SH3TC2: variants seen among roughly 807,000 people sequenced by gnomAD.
SH3TC2 encodes the protein SH3 domain and tetratricopeptide repeat-containing protein 2.
Under a neutral mutation model 124.5 loss-of-function variants are expected in SH3TC2, and 87 were observed. The observed-to-expected ratio is 0.70, with a 90% CI of 0.59 to 0.84. The LOEUF is 0.84. SH3TC2 is among the 40% of genes least tolerant of loss of function. The pLI, the probability that SH3TC2 is intolerant of heterozygous loss-of-function variation, is 0.00. For synonymous variants in SH3TC2, 634 were observed against 628.5 expected, an observed-to-expected ratio of 1.01 and a Z score of -0.13; for missense variants, 1,536 against 1,566.4, an observed-to-expected ratio of 0.98 and a Z score of 0.33.
Position 149,060,990 on chromosome 5 carries a change from A to G in SH3TC2, c.52+1981T>C, listed in dbSNP as rs563149862. ...AGGGGAATCTGGAATGGGAATATCC[A>G]GATCGACTGGACTTGGACCTACAAC... On this transcript the variant is annotated intron_variant, in intron 1 of 16. Transcript: ENST00000515425. Among the ~76,000 whole-genome samples, 6 of 152,318 alleles carry G rather than the reference A, an allele frequency of 3.9e-5. No homozygotes were observed. In the South Asian group the frequency reaches 1.0e-3, roughly 26 times the overall value.
chr5:149,027,245 T>C lies in SH3TC2; in HGVS notation c.2487A>G (p.Thr829=). 3.7e-6 allele frequency: 6 copies of C among 1,614,212 alleles called. No homozygotes were observed. The highest frequency in any genetic ancestry group is 5.1e-6 in the Non-Finnish European group (6 of 1,180,042). ...LEPLLCSLKE[T]ESLTQRGVIY... is the part of the protein sequence containing the mutation. ...TGACTCCCCTTTGAGTGAGACTCTC[T>C]GTCTCCTTCAGGGAGCATAGCAGTG... Residue 829 remains threonine (T), a synonymous_variant, in exon 11 of 17, where the codon ACA becomes ACG. Coordinates refer to ENST00000515425, the MANE Select transcript of SH3TC2 (RefSeq NM_024577.4).
chr5:149,047,720 A>G, intron 3 of SH3TC2, 142 bp downstream of exon 3: 2 of 1,108,698 alleles, frequency 1.8e-6, no homozygotes, highest in Admixed American at 3.8e-5. Flanking sequence ...ATGTGCACGG[A>G]ATCTTTCATT....
chr5:148,988,687 C>T lies in SH3TC2; in HGVS notation c.*16024G>A, dbSNP rs1468151733. Among the ~76,000 whole-genome samples the T allele has an allele frequency of 1.3e-5, 2 of 152,180 alleles. No individual in the cohort carries two copies. Among genetic ancestry groups the T allele is most frequent in the Non-Finnish European group, 1.5e-5 (1 of 68,032 alleles). On this transcript the variant is annotated 3_prime_UTR_variant, in exon 17 of 17. Coordinates refer to ENST00000515425, the MANE Select transcript of SH3TC2 (RefSeq NM_024577.4). ...AGCCCAGAGGAGCCTTTGATGACTCCAGCTCTGGCCACTATTGGACTGCAA... is the reference window on the plus strand; with the variant it reads ...AGCCCAGAGGAGCCTTTGATGACTCTAGCTCTGGCCACTATTGGACTGCAA...
rs201789838 is a variant in SH3TC2 at position 149,027,892 on chromosome 5, C to T, written c.1840G>A (p.Asp614Asn). Reference sequence around the variant, plus strand: ...TGGCGCAGCACGTAGGCCACCACGTCGAGTTCATGCTTGGCACTAGACTCA... The same window carrying T: ...TGGCGCAGCACGTAGGCCACCACGTTGAGTTCATGCTTGGCACTAGACTCA... ...DRESSAKHEL[D>N]VVAYVLRQGI... Residue 614 changes from aspartate to asparagine, a missense_variant, in exon 11 of 17, where the codon GAC becomes AAC. This residue lies in a region of SH3TC2 where 1,102 missense variants were observed against 1,098.6 expected (regional missense o/e 1.00). Transcript: ENST00000515425. 50 of 1,613,842 alleles carry T rather than the reference C, an allele frequency of 3.1e-5. No individual in the cohort carries two copies. The highest frequency in any genetic ancestry group is 3.9e-5 in the Non-Finnish European group (46 of 1,180,044).
intron 9 of SH3TC2, 127 bp from the exon 10 acceptor site, chr5:149,028,845 AG>A (rs1269583617): frequency 5.4e-6 from 5 of 919,964 alleles, no homozygotes; most frequent in Non-Finnish European, 8.9e-6. Flanking sequence ...GTCATCATTA[AG>A]GAACAGGGCA....
rs1364059646 is a variant in SH3TC2 at position 148,999,544 on chromosome 5, C to T, written c.*5167G>A. ...GGAGCAATTAAAAGAGGAAAAGAGACCAAAACTGACAAGGTCATGAAAAAC... is the reference window on the plus strand; with the variant it reads ...GGAGCAATTAAAAGAGGAAAAGAGATCAAAACTGACAAGGTCATGAAAAAC... On this transcript the variant is annotated 3_prime_UTR_variant, in exon 17 of 17. Coordinates refer to ENST00000515425, the MANE Select transcript of SH3TC2 (RefSeq NM_024577.4). Among the ~76,000 whole-genome samples, 1 of 152,062 alleles carries T rather than the reference C, an allele frequency of 6.6e-6. No individual in the cohort carries two copies. The highest frequency in any genetic ancestry group is 2.4e-5 in the African/African-American group (1 of 41,372).
In SH3TC2 at chr5:149,000,824, C is replaced by G. The variant is rs1403905784; in HGVS notation, c.*3887G>C. On this transcript the variant is annotated 3_prime_UTR_variant, in exon 17 of 17. Transcript: ENST00000515425. ...CCCTTCTGTTCCTCAGTTTACTCAC[C>G]TGTAAAAAGAAGATAATATAATTGA... Among the ~76,000 whole-genome samples, 2 of 152,114 alleles carry G rather than the reference C, an allele frequency of 1.3e-5. No individual in the cohort carries two copies. The highest frequency in any genetic ancestry group is 2.9e-5 in the Non-Finnish European group (2 of 68,026).
chr5:149,029,325 A>G (rs1260431566), intron 9 of SH3TC2, among the ~76,000 whole-genome samples: 3 of 152,238 alleles, frequency 2.0e-5, no homozygotes, highest in Non-Finnish European at 4.4e-5. Context: ...AGGAGCAAGG[A>G]TGCATCTGAG....
intron 9 of SH3TC2, among the ~76,000 whole-genome samples, chr5:149,029,285 C>T (rs917070458): frequency 3.3e-5 from 5 of 152,018 alleles, no homozygotes; most frequent in African/African-American, 1.2e-4. Flanking sequence ...GTGGCAGGGG[C>T]GAGGGGCCAG....
At chr5:149,050,239 T>C (rs1350824895) in intron 2 of SH3TC2, among the ~76,000 whole-genome samples, 1 of 152,236 alleles carries the variant, frequency 6.6e-6, no homozygotes, top group East Asian at 1.9e-4. Context: ...TCTGCATCAC[T>C]AGAGCAGGGA....
chr5:149,031,725 A>C (rs1754197367), intron 8 of SH3TC2, 38 bp from the exon 9 acceptor site: 1 of 1,612,404 alleles, frequency 6.2e-7, no homozygotes, highest in African/African-American at 1.3e-5. Context: ...AGATTACTGC[A>C]AGGCTTCAGA....
At chr5:149,022,868 G>A (rs960094416) in intron 12 of SH3TC2, among the ~76,000 whole-genome samples, 4 of 152,172 alleles carry the variant, frequency 2.6e-5, no homozygotes, top group Admixed American at 1.3e-4. Context: ...GTAGATTAGT[G>A]GTTTCCAGGG....
At chr5:149,006,429 T>C (rs550515221) in intron 16 of SH3TC2, among the ~76,000 whole-genome samples, 10 of 152,360 alleles carry the variant, frequency 6.6e-5, no homozygotes, top group Admixed American at 3.3e-4. Flanking sequence ...TTTACATTAC[T>C]TTATAAGAAA....
Position 149,040,434 on chromosome 5 carries a change from T to G in SH3TC2, c.805+170A>C, listed in dbSNP as rs77636251. On this transcript the variant is annotated intron_variant, in intron 7 of 16. Coordinates refer to ENST00000515425, the MANE Select transcript of SH3TC2 (RefSeq NM_024577.4). Reference sequence around the variant, plus strand: ...GCCCCCTGGATTGAGACCTCTCATTTCACAGGCAGGGAAAACCATGTGCAC... The same window carrying G: ...GCCCCCTGGATTGAGACCTCTCATTGCACAGGCAGGGAAAACCATGTGCAC... Among the ~76,000 whole-genome samples the G allele has an allele frequency of 0.01, 1,573 of 152,268 alleles. 33 individuals carry two copies. Among genetic ancestry groups the G allele is most frequent in the African/African-American group, 0.036 (1,498 of 41,534 alleles).
chr5:149,052,052 A>AGAGGG, intron 2 of SH3TC2, 90 bp downstream of exon 2: 1 of 934,224 alleles, frequency 1.1e-6, no homozygotes. Context: ...CAAGAGGGAA[A>AGAGGG]GAGGGAGGGG....
chr5:148,984,115 G>A lies in SH3TC2; in HGVS notation c.*20596C>T, dbSNP rs905690197. 2.0e-5 allele frequency among the ~76,000 whole-genome samples: 3 copies of A among 152,124 alleles called. No individual in the cohort carries two copies. The highest frequency in any genetic ancestry group is 4.1e-4 in the South Asian group (2 of 4,826). On this transcript the variant is annotated 3_prime_UTR_variant, in exon 17 of 17. Coordinates refer to ENST00000515425, the MANE Select transcript of SH3TC2 (RefSeq NM_024577.4). ...GACGTTTTCAGCTATTATTTCTTTAGATAGGCTTTGTGTCCCTTTATCTCT... is the reference window on the plus strand; with the variant it reads ...GACGTTTTCAGCTATTATTTCTTTAAATAGGCTTTGTGTCCCTTTATCTCT...
intron 15 of SH3TC2, chr5:149,008,215 C>G (rs911036878): frequency 6.3e-6 from 1 of 158,864 alleles, no homozygotes; most frequent in East Asian, 1.8e-4. Flanking sequence ...TCTATCAAAC[C>G]TGCTTTTCTT....
chr5:149,041,354 C>T (rs1409934390), intron 6 of SH3TC2, 62 bp downstream of exon 6: 17 of 1,563,906 alleles, frequency 1.1e-5, no homozygotes, highest in Admixed American at 5.3e-5. Context: ...CATGCCTACT[C>T]TGTTCTGTGC....
intron 1 of SH3TC2, among the ~76,000 whole-genome samples, chr5:149,062,698 G>A (rs972950827): frequency 6.6e-6 from 1 of 152,218 alleles, no homozygotes; most frequent in Admixed American, 6.5e-5. Flanking sequence ...CACACCCTGG[G>A]AGTGGCAGCC....
Sources: gnomAD v4.1 joint callset for allele counts (sites outside exome capture counted in the v4.1 genomes callset) on GRCh38, gnomAD v4.1.1 for gene constraint, gnomAD v4.1.1 regional missense constraint, MANE v1.5 for transcripts, NCBI Gene and HGNC (gene_info 2026-07-23, HGNC 2026-07-21) for gene names.